Variants in SEMA3D observed in about 807,000 individuals in gnomAD.
SEMA3D encodes the protein semaphorin 3D.
SEMA3D carries 84 observed loss-of-function variants against 100.1 expected under a neutral mutation model. The ratio of observed to expected loss-of-function variants is 0.84; its 90% confidence interval spans 0.70 to 1.01. The LOEUF (loss-of-function observed/expected upper bound fraction) is 1.01, where lower values mean the gene tolerates loss of function less well. Ranked by LOEUF, SEMA3D falls within the 50% of genes least tolerant of loss-of-function variation. The pLI is 0.00. For missense variants in SEMA3D, 875 were observed against 934.1 expected, an observed-to-expected ratio of 0.94 and a Z score of 0.82; for synonymous variants, 312 against 320.7, an observed-to-expected ratio of 0.97 and a Z score of 0.29.
At chr7:85,187,546 A>G (rs1791594636), upstream of SEMA3D, among the ~76,000 whole-genome samples, 1 of 152,202 alleles carries the variant, frequency 6.6e-6, no homozygotes, top group South Asian at 2.1e-4. Context: ...CCAAACAGGG[A>G]GAGATAAAAA....
At chr7:85,248,604 A>G in the SEMA3D span, among the ~76,000 whole-genome samples, 1 of 152,174 alleles carries the variant, frequency 6.6e-6, no homozygotes, top group Admixed American at 6.5e-5. Context: ...ATATAGAAAT[A>G]AAACGTGATA....
intron 9 of SEMA3D, chr7:85,050,606 G>T (rs1791136724): frequency 2.5e-6 from 1 of 402,792 alleles, no homozygotes; most frequent in Non-Finnish European, 4.5e-6. Flanking sequence ...TTTTAAGTCA[G>T]TTTATTTATT....
At chr7:85,184,202 T>A (rs533169194) in intron 1 of SEMA3D, among the ~76,000 whole-genome samples, 1 of 152,312 alleles carries the variant, frequency 6.6e-6, no homozygotes, top group East Asian at 1.9e-4. Flanking sequence ...GCATCATAAC[T>A]GACCTTAGAA....
At chr7:85,033,858 T>TACACAAACACAC (rs149269975) in intron 12 of SEMA3D, among the ~76,000 whole-genome samples, 2 of 141,096 alleles carry the variant, frequency 1.4e-5, no homozygotes, top group African/African-American at 5.2e-5. Context: ...ATCACACACA[T>TACACAAACACAC]ACACACACAC....
chr7:85,054,179 A>C (rs1213874950), intron 9 of SEMA3D, among the ~76,000 whole-genome samples: 8 of 152,198 alleles, frequency 5.3e-5, no homozygotes, highest in Non-Finnish European at 1.0e-4. Flanking sequence ...ATTTCTATTA[A>C]ATGGATTATA....
At chr7:85,024,246 C>T (rs1790331970) in intron 12 of SEMA3D, among the ~76,000 whole-genome samples, 1 of 151,846 alleles carries the variant, frequency 6.6e-6, no homozygotes, top group East Asian at 1.9e-4. Context: ...TCATAGTAGG[C>T]TTATAATGCC....
chr7:85,129,662 A>G (rs1789669159), intron 2 of SEMA3D, among the ~76,000 whole-genome samples: 1 of 152,150 alleles, frequency 6.6e-6, no homozygotes, highest in Non-Finnish European at 1.5e-5. Context: ...CTTAGTTTAG[A>G]ATTTTAAGGT....
the SEMA3D span, among the ~76,000 whole-genome samples, chr7:85,230,383 C>A: frequency 6.6e-6 from 1 of 152,166 alleles, no homozygotes; most frequent in Non-Finnish European, 1.5e-5. Flanking sequence ...TTGAGCTGCA[C>A]TTTGGATTCA....
rs560525681 is a variant in SEMA3D at position 85,037,862 on chromosome 7, C to T, written c.1047-829G>A. Among the ~76,000 whole-genome samples, 57 of 152,136 alleles carry T rather than the reference C, an allele frequency of 3.7e-4. No homozygotes were observed. In the South Asian group the frequency reaches 0.01, roughly 27 times the overall value. Reference sequence around the variant, plus strand: ...TTTCTTTGAGTTGAAAACTTTTAATCATTCCCATTTTCAAAAATGAGATCA... The same window carrying T: ...TTTCTTTGAGTTGAAAACTTTTAATTATTCCCATTTTCAAAAATGAGATCA... On this transcript the variant is annotated intron_variant, in intron 11 of 18. Transcript: ENST00000284136.
intron 5 of SEMA3D, among the ~76,000 whole-genome samples, chr7:85,078,678 A>G (rs929727478): frequency 6.6e-6 from 1 of 152,232 alleles, no homozygotes; most frequent in Non-Finnish European, 1.5e-5. Flanking sequence ...AAAGTGGAAT[A>G]GTTCCCTTTT....
chr7:85,064,279 G>A (rs1163891078), intron 8 of SEMA3D, among the ~76,000 whole-genome samples: 1 of 152,136 alleles, frequency 6.6e-6, no homozygotes. Context: ...CATTTAAGAA[G>A]TTACTCTCAA....
intron 1 of SEMA3D, among the ~76,000 whole-genome samples, chr7:85,170,914 G>A (rs1791065856): frequency 6.6e-6 from 1 of 151,928 alleles, no homozygotes; most frequent in African/African-American, 2.4e-5. Flanking sequence ...AAATAACAAT[G>A]GTGTCAGGCA....
intron 4 of SEMA3D, among the ~76,000 whole-genome samples, chr7:85,089,697 C>A (rs960483479): frequency 6.6e-6 from 1 of 151,962 alleles, no homozygotes; most frequent in Non-Finnish European, 1.5e-5. Flanking sequence ...CCAGACTGGG[C>A]AACATGGCAA....
At chr7:85,089,632 G>A (rs1164685982) in intron 4 of SEMA3D, among the ~76,000 whole-genome samples, 2 of 152,050 alleles carry the variant, frequency 1.3e-5, no homozygotes, top group African/African-American at 4.8e-5. Context: ...TGTAATCCTA[G>A]CACTTTGGGA....
intron 4 of SEMA3D, among the ~76,000 whole-genome samples, chr7:85,082,119 C>T (rs1035509354): frequency 6.6e-6 from 1 of 152,218 alleles, no homozygotes; most frequent in African/African-American, 2.4e-5. Context: ...TTAAATTTCA[C>T]AATGACCCTC....
rs895523618 is a variant in SEMA3D at position 84,999,242 on chromosome 7, G to T, written c.*198C>A. On this transcript the variant is annotated 3_prime_UTR_variant, in exon 19 of 19. Coordinates refer to ENST00000284136, the MANE Select transcript of SEMA3D (RefSeq NM_001384900.1). ...TAATTCTTATACTTTGCTTGTGCAAGATTTGTTCTTGGAAAACTGGTTCAA... is the reference window on the plus strand; with the variant it reads ...TAATTCTTATACTTTGCTTGTGCAATATTTGTTCTTGGAAAACTGGTTCAA... The T allele has an allele frequency of 5.2e-6, 3 of 571,620 alleles. No individual in the cohort carries two copies. Among genetic ancestry groups the T allele is most frequent in the Admixed American group, 3.1e-5 (1 of 32,282 alleles). The allele number at this position is 571,620 out of a possible 1,614,324, so 35.4% of individuals were successfully genotyped here.
chr7:85,040,168 C>G (rs1239623202), intron 11 of SEMA3D, among the ~76,000 whole-genome samples: 2 of 151,464 alleles, frequency 1.3e-5, no homozygotes, highest in African/African-American at 2.4e-5. Context: ...TTTGTAGAGA[C>G]TGGGTCTCAC....
At chr7:85,044,018 T>G (rs1790934979) in intron 9 of SEMA3D, among the ~76,000 whole-genome samples, 1 of 152,094 alleles carries the variant, frequency 6.6e-6, no homozygotes, top group Admixed American at 6.6e-5. Flanking sequence ...TAAGACTAAT[T>G]TATTTAAATT....
At chr7:85,186,079 G>A (rs1791537192) in intron 1 of SEMA3D, among the ~76,000 whole-genome samples, 1 of 152,154 alleles carries the variant, frequency 6.6e-6, no homozygotes, top group Non-Finnish European at 1.5e-5. Context: ...AGAAAAAGGC[G>A]TCGCCCATTC....
Sources: gnomAD v4.1 joint callset for allele counts (sites outside exome capture counted in the v4.1 genomes callset) on GRCh38, gnomAD v4.1.1 for gene constraint, MANE v1.5 for transcripts, NCBI Gene and HGNC (gene_info 2026-07-23, HGNC 2026-07-21) for gene names.